COL28A1: variants seen among roughly 807,000 people sequenced by gnomAD.
COL28A1 encodes the protein collagen type XXVIII alpha 1 chain, also known as collagen alpha-1(XXVIII) chain.
Under a neutral mutation model 150.2 loss-of-function variants are expected in COL28A1, and 161 were observed. That is an observed-to-expected ratio of 1.07 (90% CI 0.94 to 1.22). The LOEUF (loss-of-function observed/expected upper bound fraction) is 1.22. Ranked by LOEUF, COL28A1 falls within the 50% of genes most tolerant of loss-of-function variation. The probability of loss-of-function intolerance (pLI) is 0.00; values close to 1 mark genes in which losing one functional copy is unlikely to be tolerated. For synonymous variants in COL28A1, 552 were observed against 469.7 expected (o/e 1.18, Z -2.26); for missense variants, 1,617 against 1,388.3 (o/e 1.16, Z -2.62).
chr7:7,515,957 A>G (rs1343014969), intron 7 of COL28A1, 117 bp from the exon 8 acceptor site: 11 of 621,712 alleles, frequency 1.8e-5, no homozygotes, highest in Non-Finnish European at 3.2e-5. Flanking sequence ...AGTCTGGAAA[A>G]TTAGATCATA....
At chr7:7,471,125 T>TAAAAAAAAAAAAAAA (rs746981344) in intron 15 of COL28A1, among the ~76,000 whole-genome samples, 9 of 88,514 alleles carry the variant, frequency 1.0e-4, no homozygotes, top group South Asian at 3.7e-4. Flanking sequence ...AAAAAATAAT[T>TAAAAAAAAAAAAAAA]AAAAAAAAAA....
chr7:7,369,904 G>C (rs1781127870), intron 33 of COL28A1, among the ~76,000 whole-genome samples: 1 of 152,314 alleles, frequency 6.6e-6, no homozygotes, highest in East Asian at 1.9e-4. Flanking sequence ...GGGCATGACT[G>C]TTATGTGCCT....
At chr7:7,398,901 T>C (rs898417635) in intron 27 of COL28A1, among the ~76,000 whole-genome samples, 2 of 152,192 alleles carry the variant, frequency 1.3e-5, no homozygotes, top group African/African-American at 4.8e-5. Flanking sequence ...ACTACTCCGA[T>C]GCCTCCGTTG....
At chr7:7,350,950 C>G in the COL28A1 span, among the ~76,000 whole-genome samples, 59 of 152,084 alleles carry the variant, frequency 3.9e-4, no homozygotes, top group African/African-American at 1.4e-3. Context: ...AGCTTCTAGT[C>G]GATTTCAGAG....
chr7:7,452,462 C>A, intron 17 of COL28A1, 75 bp from the exon 18 acceptor site: 1 of 1,511,672 alleles, frequency 6.6e-7, no homozygotes, highest in South Asian at 1.3e-5. Flanking sequence ...TAAAACCTGT[C>A]TTATATCAAC....
chr7:7,390,793 T>C (rs1435018494), intron 27 of COL28A1, among the ~76,000 whole-genome samples: 1 of 152,218 alleles, frequency 6.6e-6, no homozygotes, highest in Admixed American at 6.5e-5. Flanking sequence ...GTATTTATAG[T>C]ATTCTCTGAT....
chr7:7,437,465 T>C lies in COL28A1; in HGVS notation c.1723-3A>G. ...GGGCCCATAATGCCCGGTTCACCCT[T>C]AAAAAGAGCAAAATGCTCACTACAT... On this transcript the variant is annotated splice_region_variant and splice_polypyrimidine_tract_variant and intron_variant, in intron 21 of 34. Transcript: ENST00000399429. 1 of 1,612,446 alleles carries C rather than the reference T, an allele frequency of 6.2e-7. No individual in the cohort carries two copies. Among genetic ancestry groups the C allele is most frequent in the Non-Finnish European group, 8.5e-7 (1 of 1,179,534 alleles).
chr7:7,535,072 C>T (rs976015961), intron 1 of COL28A1, among the ~76,000 whole-genome samples: 1 of 152,100 alleles, frequency 6.6e-6, no homozygotes, highest in Non-Finnish European at 1.5e-5. Flanking sequence ...TCACCTTTCT[C>T]TCTTTCTGAT....
chr7:7,409,881 A>G (rs1199854354), intron 27 of COL28A1, among the ~76,000 whole-genome samples: 1 of 152,330 alleles, frequency 6.6e-6, no homozygotes, highest in East Asian at 1.9e-4. Context: ...ATAAGCCGGT[A>G]ATAATGATGA....
chr7:7,511,902 A>T (rs571281982), intron 8 of COL28A1: 49 of 418,916 alleles, frequency 1.2e-4, no homozygotes, highest in Middle Eastern at 7.5e-4. Context: ...TTTATCATAA[A>T]TATTTTATCT....
At chr7:7,501,876 T>C (rs1583517194) in intron 11 of COL28A1, among the ~76,000 whole-genome samples, 1 of 152,258 alleles carries the variant, frequency 6.6e-6, no homozygotes, top group South Asian at 2.1e-4. Context: ...TTCTAACTGA[T>C]TTCCGAGACT....
At chr7:7,392,976 GTCAAT>G (rs760035649) in intron 27 of COL28A1, among the ~76,000 whole-genome samples, 1 of 152,010 alleles carries the variant, frequency 6.6e-6, no homozygotes, top group Non-Finnish European at 1.5e-5. Flanking sequence ...GCCTACTTCT[GTCAAT>G]TCGTTAAATT....
chr7:7,403,334 A>G (rs1169824723), intron 27 of COL28A1, among the ~76,000 whole-genome samples: 4 of 152,180 alleles, frequency 2.6e-5, no homozygotes, highest in African/African-American at 9.7e-5. Flanking sequence ...TCATATGTGT[A>G]TACTAGTTTT....
At chr7:7,344,648 AAAGT>A in the COL28A1 span, among the ~76,000 whole-genome samples, 15 of 152,124 alleles carry the variant, frequency 9.9e-5, no homozygotes, top group Non-Finnish European at 4.4e-5. Context: ...TGCATTAAGA[AAAGT>A]AAGAGAATTT....
At chr7:7,496,225 C>A (rs1202463700) in intron 11 of COL28A1, among the ~76,000 whole-genome samples, 5 of 152,186 alleles carry the variant, frequency 3.3e-5, no homozygotes, top group Non-Finnish European at 7.3e-5. Flanking sequence ...TCCATCTCCT[C>A]CCCACTAGAC....
intron 15 of COL28A1, among the ~76,000 whole-genome samples, chr7:7,462,232 C>T (rs1157942449): frequency 6.6e-6 from 1 of 152,176 alleles, no homozygotes; most frequent in Non-Finnish European, 1.5e-5. Context: ...TTAATGACAG[C>T]CTTGAGCCCT....
intron 15 of COL28A1, among the ~76,000 whole-genome samples, chr7:7,466,424 T>C (rs904591210): frequency 2.3e-5 from 3 of 131,546 alleles, no homozygotes; most frequent in Non-Finnish European, 3.2e-5. Context: ...TAAAAAGAAA[T>C]GAGCAAAGCC....
intron 30 of COL28A1, among the ~76,000 whole-genome samples, chr7:7,379,384 C>G (rs1781739010): frequency 6.6e-6 from 1 of 152,166 alleles, no homozygotes; most frequent in African/African-American, 2.4e-5. Flanking sequence ...GTCTCTGCCT[C>G]TTGGTTGAAA....
intron 27 of COL28A1, among the ~76,000 whole-genome samples, chr7:7,390,688 G>T (rs373705874): frequency 1.3e-5 from 2 of 151,984 alleles, no homozygotes; most frequent in Non-Finnish European, 2.9e-5. Flanking sequence ...TGGTCTGTTC[G>T]AGGATTCAAC....
Sources: gnomAD v4.1 joint callset for allele counts (sites outside exome capture counted in the v4.1 genomes callset) on GRCh38, gnomAD v4.1.1 for gene constraint, MANE v1.5 for transcripts, NCBI Gene and HGNC (gene_info 2026-07-23, HGNC 2026-07-21) for gene names.